MND1: variants seen among roughly 807,000 people sequenced by gnomAD.
MND1 encodes meiotic nuclear division protein 1 homolog.
In MND1, 28 loss-of-function variants were observed where a neutral mutation model predicts 35.1. The observed-to-expected ratio is 0.80, with a 90% confidence interval of 0.59 to 1.09. The LOEUF (loss-of-function observed/expected upper bound fraction) is 1.09, where lower values mean the gene tolerates loss of function less well. MND1 is among the 50% of genes least tolerant of loss of function. MND1 has a pLI of 0.00. For synonymous variants in MND1, 69 were observed against 70.5 expected (o/e 0.98, Z 0.11); for missense variants, 213 against 239.6 (o/e 0.89, Z 0.73).
At chr4:153,353,637 T>C (rs2149630359) in intron 2 of MND1, among the ~76,000 whole-genome samples, 1 of 151,872 alleles carries the variant, frequency 6.6e-6, no homozygotes, top group Non-Finnish European at 1.5e-5. Flanking sequence ...TGAAGTATAA[T>C]TTCTATCTAA....
At chr4:153,356,001 A>T (rs1773329290) in intron 3 of MND1, among the ~76,000 whole-genome samples, 1 of 152,226 alleles carries the variant, frequency 6.6e-6, no homozygotes, top group African/African-American at 2.4e-5. Flanking sequence ...ATAAAAAAAT[A>T]CTTTTAAAAA....
At chr4:153,410,180 C>T (rs1334404206) in intron 7 of MND1, among the ~76,000 whole-genome samples, 3 of 152,104 alleles carry the variant, frequency 2.0e-5, no homozygotes, top group Admixed American at 6.6e-5. Context: ...ATGTTGGACA[C>T]GTAGATAAAT....
At chr4:153,404,699 G>A (rs991949503) in intron 6 of MND1, among the ~76,000 whole-genome samples, 1 of 150,964 alleles carries the variant, frequency 6.6e-6, no homozygotes, top group African/African-American at 2.4e-5. Context: ...GGCTTGTCTT[G>A]AACTCCTGAC....
intron 1 of MND1, among the ~76,000 whole-genome samples, chr4:153,347,923 G>A (rs1242477569): frequency 6.6e-6 from 1 of 152,168 alleles, no homozygotes; most frequent in Non-Finnish European, 1.5e-5. Context: ...GGGGTTAGGT[G>A]ATAAAGGGCC....
intron 4 of MND1, among the ~76,000 whole-genome samples, chr4:153,372,881 G>A (rs1773825387): frequency 6.6e-6 from 1 of 152,046 alleles, no homozygotes. Flanking sequence ...CTCTTTTATT[G>A]AATGCATAGA....
chr4:153,380,580 C>T (rs1728648543), intron 4 of MND1, among the ~76,000 whole-genome samples: 1 of 152,214 alleles, frequency 6.6e-6, no homozygotes, highest in African/African-American at 2.4e-5. Flanking sequence ...ACATTACCAC[C>T]TCAGTCTGAA....
At chr4:153,358,069 C>T (rs911373877) in intron 3 of MND1, among the ~76,000 whole-genome samples, 2 of 152,072 alleles carry the variant, frequency 1.3e-5, no homozygotes, top group African/African-American at 4.8e-5. Flanking sequence ...AGGCTTCTCA[C>T]AAGTAACATT....
chr4:153,392,862 G>A (rs778852241), intron 4 of MND1, among the ~76,000 whole-genome samples: 1 of 152,214 alleles, frequency 6.6e-6, no homozygotes, highest in Non-Finnish European at 1.5e-5. Flanking sequence ...GTGCACACCT[G>A]TGATCCCAGC....
At chr4:153,385,509 G>A (rs1728828152) in intron 4 of MND1, among the ~76,000 whole-genome samples, 2 of 151,818 alleles carry the variant, frequency 1.3e-5, no homozygotes, top group African/African-American at 4.8e-5. Flanking sequence ...TGACTCCAGG[G>A]GTTCAGGACC....
At chr4:153,376,788 A>G (rs576970563) in intron 4 of MND1, among the ~76,000 whole-genome samples, 31 of 152,280 alleles carry the variant, frequency 2.0e-4, no homozygotes, top group African/African-American at 6.7e-4. Context: ...TACCCCGAGC[A>G]TAACTCTAAT....
intron 4 of MND1, among the ~76,000 whole-genome samples, chr4:153,368,529 GACTTTCCTGGGAAAGTTTTC>G (rs1773713655): frequency 2.0e-5 from 3 of 152,308 alleles, no homozygotes; most frequent in African/African-American, 4.8e-5. Context: ...GACTAGCTTT[GACTTTCCTGGGAAAGTTTTC>G]ACTTTCCTGA....
intron 6 of MND1, among the ~76,000 whole-genome samples, chr4:153,402,561 G>A (rs768565051): frequency 5.9e-5 from 9 of 152,132 alleles, no homozygotes; most frequent in Admixed American, 2.0e-4. Context: ...CAGTCTCACC[G>A]CAGCAGTGAC....
chr4:153,386,920 C>A (rs1291736521), intron 4 of MND1, among the ~76,000 whole-genome samples: 5 of 152,120 alleles, frequency 3.3e-5, no homozygotes, highest in African/African-American at 1.2e-4. Flanking sequence ...ACAGGGGTCA[C>A]TCTGGGGAGG....
chr4:153,350,262 A>G (rs1197376646), intron 2 of MND1, 133 bp downstream of exon 2: 2 of 628,942 alleles, frequency 3.2e-6, no homozygotes, highest in South Asian at 2.5e-5. Context: ...AAGATTCTGC[A>G]AATATTTGTG....
At chr4:153,395,411 A>T (rs549364661) in intron 5 of MND1, among the ~76,000 whole-genome samples, 3 of 152,334 alleles carry the variant, frequency 2.0e-5, no homozygotes, top group Admixed American at 2.0e-4. Flanking sequence ...GGAAAAACCC[A>T]CTAGCAAACA....
rs545078029 is a variant in MND1, at chr4:153,345,949, C to G, written c.3+1209C>G. 5.4e-4 allele frequency among the ~76,000 whole-genome samples: 80 copies of G among 147,332 alleles called. 1 individual carries two copies. Among genetic ancestry groups the G allele is most frequent in the African/African-American group, 2.0e-3 (79 of 39,496 alleles). ...CTGTGCAGCTCAAACGCGCGTTGTC[C>G]TTTTACCTAATCTATCTCTCTACAC... is the stretch of plus-strand genomic sequence containing the variant. On this transcript the variant is annotated intron_variant, in intron 1 of 7. Coordinates refer to ENST00000240488, the MANE Select transcript of MND1 (RefSeq NM_032117.4).
intron 4 of MND1, among the ~76,000 whole-genome samples, chr4:153,377,923 A>G (rs978975910): frequency 1.2e-4 from 18 of 152,260 alleles, no homozygotes; most frequent in African/African-American, 3.1e-4. Context: ...TCAGCAGAGT[A>G]TAATACTTTT....
chr4:153,362,936 T>C, intron 4 of MND1: 5 of 875,170 alleles, frequency 5.7e-6, no homozygotes, highest in Non-Finnish European at 6.9e-6. Flanking sequence ...GCATAAAATT[T>C]AGTATGCATG....
chr4:153,367,542 T>A (rs1488523251), intron 4 of MND1, among the ~76,000 whole-genome samples: 1 of 152,238 alleles, frequency 6.6e-6, no homozygotes, highest in Non-Finnish European at 1.5e-5. Flanking sequence ...CCACATCTAA[T>A]TTATCCATTC....
Sources: gnomAD v4.1 joint callset for allele counts (sites outside exome capture counted in the v4.1 genomes callset) on GRCh38, gnomAD v4.1.1 for gene constraint, MANE v1.5 for transcripts, NCBI Gene and HGNC (gene_info 2026-07-23, HGNC 2026-07-21) for gene names.